ZNF616: variants seen among roughly 807,000 people sequenced by gnomAD.
ZNF616 encodes zinc finger protein 616.
ZNF616 carries 5 observed loss-of-function variants against 7.6 expected under a neutral mutation model. The observed-to-expected ratio is 0.66, with a 90% CI of 0.34 to 1.38. The LOEUF (loss-of-function observed/expected upper bound fraction) is 1.38. ZNF616 is among the 40% of genes most tolerant of loss of function. The pLI is 0.04. For synonymous variants in ZNF616, 319 were observed against 317.2 expected, an observed-to-expected ratio of 1.01 and a Z score of -0.06; for missense variants, 913 against 948.3, an observed-to-expected ratio of 0.96 and a Z score of 0.49.
In ZNF616 at chr19:52,114,897, C is replaced by T. The variant is rs144822311; in HGVS notation, c.2267G>A (p.Cys756Tyr). 57 of 1,613,704 alleles carry T rather than the reference C, an allele frequency of 3.5e-5. No homozygotes were observed. The African/African-American group carries it at 6.8e-4, about 19-fold the overall frequency. ...TCGATGTTTAGTGAGGCCTGAGCGA[C>T]AAATAAAAGATTTCCCACACTCATT... ...KCNECGKSFI[C>Y]RSGLTKHRIR... is the part of the protein sequence containing the mutation. Residue 756 changes from cysteine (C) to tyrosine (Y), a missense_variant, in exon 4 of 4, where the codon TGT (cysteine) becomes TAT (tyrosine). Coordinates refer to ENST00000600228, the MANE Select transcript of ZNF616 (RefSeq NM_178523.5).
intron 1 of ZNF616, among the ~76,000 whole-genome samples, chr19:52,137,808 G>A (rs2089025882): frequency 6.6e-6 from 1 of 152,114 alleles, no homozygotes; most frequent in Non-Finnish European, 1.5e-5. Context: ...AGAAATTAAT[G>A]ACATCAGCTG....
chr19:52,123,500 C>A (rs931389724), intron 3 of ZNF616, among the ~76,000 whole-genome samples: 1 of 152,036 alleles, frequency 6.6e-6, no homozygotes, highest in Non-Finnish European at 1.5e-5. Context: ...GGCATGGTGG[C>A]ACGCACGCAT....
intron 2 of ZNF616, among the ~76,000 whole-genome samples, chr19:52,125,237 C>A (rs1275350984): frequency 6.6e-6 from 1 of 152,200 alleles, no homozygotes; most frequent in East Asian, 1.9e-4. Context: ...TCTACAGCTG[C>A]ATCTAACTAT....
At chr19:52,121,473 A>G (rs1260011075) in intron 3 of ZNF616, among the ~76,000 whole-genome samples, 3 of 152,230 alleles carry the variant, frequency 2.0e-5, no homozygotes, top group Non-Finnish European at 4.4e-5. Flanking sequence ...TCTCAAAACA[A>G]AGGAAAATGA....
chr19:52,128,741 CAAAA>C (rs201369673), intron 2 of ZNF616, among the ~76,000 whole-genome samples: 3 of 70,448 alleles, frequency 4.3e-5, no homozygotes, highest in Non-Finnish European at 2.9e-5. Context: ...AACTCCGTCT[CAAAA>C]AAAAAAAAAA....
At chr19:52,119,162 A>G (rs1218995794) in intron 3 of ZNF616, among the ~76,000 whole-genome samples, 1 of 152,180 alleles carries the variant, frequency 6.6e-6, no homozygotes, top group Non-Finnish European at 1.5e-5. Context: ...GTGGATCACA[A>G]GGTCAGGAGT....
At chr19:52,137,092 A>G (rs1199514342) in intron 1 of ZNF616, among the ~76,000 whole-genome samples, 2 of 147,046 alleles carry the variant, frequency 1.4e-5, no homozygotes, top group South Asian at 2.2e-4. Context: ...GTGTGTGTGT[A>G]TATTTATATA....
At chr19:52,118,336 T>C (rs1320309410) in intron 3 of ZNF616, among the ~76,000 whole-genome samples, 2 of 152,112 alleles carry the variant, frequency 1.3e-5, no homozygotes, top group Non-Finnish European at 2.9e-5. Context: ...TGAACTAAGA[T>C]AAAAGACAAC....
Position 52,116,699 on chromosome 19 carries a change from T to G in ZNF616, c.465A>C (p.Gln155His). 1.9e-6 allele frequency: 3 copies of G among 1,614,196 alleles called. No individual in the cohort carries two copies. The highest frequency in any genetic ancestry group is 2.5e-6 in the Non-Finnish European group (3 of 1,180,034). ...TACATTCATAAAGTCTCCCTTCAGT[T>G]TGAACTTTCTGCAGTTCAGCCAGAC... ...ESRLAELQKVQTEGRLYECNE... is the reference protein window; with the variant it reads ...ESRLAELQKVHTEGRLYECNE... The change falls in exon 4 of 4, where the codon CAA (glutamine) becomes CAC (histidine). Residue 155 changes from glutamine (Q) to histidine (H), a missense_variant. Coordinates refer to ENST00000600228, the MANE Select transcript of ZNF616 (RefSeq NM_178523.5).
intron 2 of ZNF616, among the ~76,000 whole-genome samples, chr19:52,128,586 T>C (rs927839743): frequency 1.3e-5 from 2 of 151,732 alleles, no homozygotes; most frequent in Admixed American, 6.6e-5. Context: ...CTACTAAAAA[T>C]ACAAAATTAG....
Position 52,116,411 on chromosome 19 carries a change from T to A in ZNF616, c.753A>T (p.Arg251Ser). ...GGTGTCTTACAAAATATGAATTTTT[T>A]CTGAAGATCTTGCCACATACATCAC... ...YQCDVCGKIFRKNSYFVRHQR... is the reference protein window; with the variant it reads ...YQCDVCGKIFSKNSYFVRHQR... The change falls in exon 4 of 4, where the codon AGA becomes AGT. Residue 251 changes from arginine to serine, a missense_variant. Transcript: ENST00000600228. The A allele has an allele frequency of 6.2e-7, 1 of 1,614,160 alleles. No individual in the cohort carries two copies. The highest frequency in any genetic ancestry group is 8.5e-7 in the Non-Finnish European group (1 of 1,180,018).
At chr19:52,119,646 C>T (rs1253353516) in intron 3 of ZNF616, among the ~76,000 whole-genome samples, 1 of 151,990 alleles carries the variant, frequency 6.6e-6, no homozygotes, top group Non-Finnish European at 1.5e-5. Context: ...TATAATTTCA[C>T]CAGGAACAGT....
Position 52,116,013 on chromosome 19 carries a change from T to C in ZNF616, c.1151A>G (p.Asn384Ser). The C allele has an allele frequency of 6.2e-7, 1 of 1,614,238 alleles. No individual in the cohort carries two copies. Among genetic ancestry groups the C allele is most frequent in the Non-Finnish European group, 8.5e-7 (1 of 1,180,038 alleles). ...TTTACTGAAGACCTTGCCACATTCA[T>C]TGCATTTGTATTGTTTCTCTCCACT... is the stretch of plus-strand genomic sequence containing the variant. ...IHSGEKQYKC[N>S]ECGKVFSKRS... The change falls in exon 4 of 4, where the codon AAT becomes AGT. Residue 384 changes from asparagine (N) to serine (S), a missense_variant. By Grantham distance (46) the Asn-to-Ser change is conservative. Transcript: ENST00000600228.
At chr19:52,131,632 A>G (rs918270016) in intron 1 of ZNF616, among the ~76,000 whole-genome samples, 1 of 152,288 alleles carries the variant, frequency 6.6e-6, no homozygotes, top group East Asian at 1.9e-4. Context: ...GTGTTCTGTG[A>G]GCTAAGGGGA....
chr19:52,132,560 T>C (rs548791708), intron 1 of ZNF616, among the ~76,000 whole-genome samples: 2 of 151,638 alleles, frequency 1.3e-5, no homozygotes, highest in East Asian at 3.9e-4. Context: ...GGTGCTGTTC[T>C]TTATCACAGT....
In ZNF616 at chr19:52,116,258, A is replaced by G. The variant is rs778151106; in HGVS notation, c.906T>C (p.Cys302=). ...GGACACGCTGACTAAAGGATTTCCC[A>G]CACAGATTACATTTGTAAGGTTTTT... ...TGEKPYKCNL[C]GKSFSQRVHL... Residue 302 remains cysteine (C), a synonymous_variant, in exon 4 of 4, where the codon TGT becomes TGC. Coordinates refer to ENST00000600228, the MANE Select transcript of ZNF616 (RefSeq NM_178523.5). The G allele has an allele frequency of 6.2e-7, 1 of 1,614,064 alleles. No homozygotes were observed. The highest frequency in any genetic ancestry group is 8.5e-7 in the Non-Finnish European group (1 of 1,180,046).
intron 1 of ZNF616, among the ~76,000 whole-genome samples, chr19:52,136,230 T>C (rs1290427843): frequency 2.0e-5 from 3 of 151,308 alleles, no homozygotes; most frequent in Admixed American, 6.6e-5. Flanking sequence ...CTTGTAATCC[T>C]AGCACTTTGG....
In ZNF616 at chr19:52,114,816, G is replaced by A. The variant is rs1199204735; in HGVS notation, c.*2C>T. 16 of 1,564,666 alleles carry A rather than the reference G, an allele frequency of 1.0e-5. No individual in the cohort carries two copies. Among genetic ancestry groups the A allele is most frequent in the African/African-American group, 2.7e-5 (2 of 73,078 alleles). The stretch of plus-strand genomic sequence containing the variant: ...CGGTGATTCCAGAAACTAGGACAAC[G>A]TCTAAGGCCTTGTCACATTGAGTTT... On this transcript the variant is annotated 3_prime_UTR_variant, in exon 4 of 4. Transcript: ENST00000600228.
rs1384254712 is a variant in ZNF616, at chr19:52,139,027, GCTA to G, written c.-77+702_-77+704del. ...TTTCTTTATGTGCTTTTCTCCCCGT[GCTA>G]CTTTCTCCATGCGTCCTCTTGCACT... On this transcript the variant is annotated intron_variant, in intron 1 of 3. Transcript: ENST00000600228. The surrounding 1 kb of genome is among the most constrained non-coding windows in gnomAD (Gnocchi z 4.1). Among the ~76,000 whole-genome samples the G allele has an allele frequency of 1.3e-5, 2 of 152,090 alleles. No individual in the cohort carries two copies. Among genetic ancestry groups the G allele is most frequent in the Non-Finnish European group, 2.9e-5 (2 of 68,030 alleles).
Sources: allele counts gnomAD v4.1 joint callset (sites outside exome capture counted in the v4.1 genomes callset), GRCh38; gene constraint gnomAD v4.1.1; non-coding constraint Gnocchi (gnomAD v3.1); transcripts MANE v1.5; gene names NCBI Gene and HGNC (gene_info 2026-07-23, HGNC 2026-07-21).